NRG1: variants seen among roughly 807,000 people sequenced by gnomAD.
NRG1 encodes the protein pro-neuregulin-1, membrane-bound isoform.
NRG1 carries 18 observed loss-of-function variants against 63.8 expected under a neutral mutation model. The observed-to-expected ratio is 0.28, with a 90% CI of 0.19 to 0.42. NRG1 has a LOEUF of 0.42. Ranked by LOEUF, NRG1 falls within the 10% of genes least tolerant of loss-of-function variation. The pLI is 1.00. For synonymous variants in NRG1, 302 were observed against 301.3 expected (o/e 1.00, Z -0.02); for missense variants, 762 against 814.7 (o/e 0.94, Z 0.79).
At chr8:32,187,695 G>C (rs1223706150) in intron 1 of NRG1, among the ~76,000 whole-genome samples, 1 of 152,064 alleles carries the variant, frequency 6.6e-6, no homozygotes, top group Non-Finnish European at 1.5e-5. Context: ...TTTTCTGGGG[G>C]AGCAGAGGCA....
intron 1 of NRG1, among the ~76,000 whole-genome samples, chr8:31,919,559 G>A (rs991159192): frequency 4.6e-5 from 7 of 151,896 alleles, no homozygotes; most frequent in African/African-American, 1.7e-4. Flanking sequence ...ATTTTAAGGA[G>A]GCAGCTGTTA....
At chr8:32,118,780 A>G (rs996036865) in intron 1 of NRG1, among the ~76,000 whole-genome samples, 1 of 152,090 alleles carries the variant, frequency 6.6e-6, no homozygotes, top group African/African-American at 2.4e-5. Context: ...TGGGTCATCC[A>G]AGGCATCAGA....
At chr8:31,968,548 G>A (rs1203079464) in intron 1 of NRG1, among the ~76,000 whole-genome samples, 1 of 152,048 alleles carries the variant, frequency 6.6e-6, no homozygotes, top group African/African-American at 2.4e-5. Context: ...TTGTTCCATG[G>A]ATACCTCCAG....
intron 1 of NRG1, among the ~76,000 whole-genome samples, chr8:31,877,317 A>G (rs1830006328): frequency 6.6e-6 from 1 of 152,128 alleles, no homozygotes; most frequent in African/African-American, 2.4e-5. Context: ...TTTATGCCGT[A>G]TTTATGAGCT....
At position 32,137,345 on chromosome 8, in the gene NRG1, G is replaced by A. The variant is rs560347192; in HGVS notation, c.38-458483G>A. On this transcript the variant is annotated intron_variant, in intron 1 of 10. Transcript: ENST00000519301. ...TAGTCCTAGCTACTTGGGAGGTTGA[G>A]GCAGGAGAATTGCTTGAACCCGAGA... Among the ~76,000 whole-genome samples, 50 of 152,244 alleles carry A rather than the reference G, an allele frequency of 3.3e-4. 1 individual carries two copies. The highest frequency in any genetic ancestry group is 9.2e-4 in the Admixed American group (14 of 15,298).
At chr8:32,617,100 A>G (rs1847507527) in intron 5 of NRG1, among the ~76,000 whole-genome samples, 1 of 152,166 alleles carries the variant, frequency 6.6e-6, no homozygotes, top group African/African-American at 2.4e-5. Context: ...GAATATTAAA[A>G]TACACCACAA....
chr8:31,901,270 G>T (rs1338715586), intron 1 of NRG1, among the ~76,000 whole-genome samples: 1 of 152,166 alleles, frequency 6.6e-6, no homozygotes, highest in African/African-American at 2.4e-5. Context: ...GGAGCTTCAG[G>T]CAGGTTCTTT....
At position 31,954,051 on chromosome 8, in the gene NRG1, C is replaced by T. The variant is rs113165691; in HGVS notation, c.37+314620C>T. Among the ~76,000 whole-genome samples, 874 of 151,954 alleles carry T rather than the reference C, an allele frequency of 5.8e-3. 4 individuals are homozygous for T. The highest frequency in any genetic ancestry group is 9.6e-3 in the Non-Finnish European group (654 of 67,982). ...ATAAATGGTCACTAATATCTTTAAC[C>T]CAGAGAGGAAGATCAAATTAGGAAA... is the stretch of plus-strand genomic sequence containing the variant. On this transcript the variant is annotated intron_variant, in intron 1 of 10. Transcript: ENST00000519301.
intron 1 of NRG1, among the ~76,000 whole-genome samples, chr8:31,843,337 C>T (rs941070077): frequency 6.6e-6 from 1 of 152,156 alleles, no homozygotes; most frequent in Non-Finnish European, 1.5e-5. Context: ...GTGGTTTGCT[C>T]TTTCTCTTCC....
intron 1 of NRG1, among the ~76,000 whole-genome samples, chr8:31,843,972 G>A (rs1826437154): frequency 6.6e-6 from 1 of 152,154 alleles, no homozygotes; most frequent in African/African-American, 2.4e-5. Context: ...AACAGCTAAT[G>A]TTCATTGAGT....
rs548007291 is a variant in NRG1 at position 32,559,118 on chromosome 8, T to A, written c.100+10292T>A. On this transcript the variant is annotated intron_variant, in intron 1 of 11. Coordinates refer to ENST00000356819, the Ensembl canonical transcript of NRG1. ...AAAAAAAAAAAAGTTAACAACCATA[T>A]CAAAAGAACAATTTATTCACCCCCC... Among the ~76,000 whole-genome samples, 11 of 143,532 alleles carry A rather than the reference T, an allele frequency of 7.7e-5. No homozygotes were observed. The East Asian group carries it at 2.1e-3, about 27-fold the overall frequency. The allele number at this position is 143,532 out of a possible 152,430, so 94.2% of individuals were successfully genotyped here.
intron 1 of NRG1, among the ~76,000 whole-genome samples, chr8:31,873,611 A>G (rs552916442): frequency 5.3e-5 from 8 of 152,180 alleles, no homozygotes; most frequent in Non-Finnish European, 8.8e-5. Flanking sequence ...TTGGATTTTC[A>G]TAGGAAGAGA....
chr8:32,015,024 AC>A (rs1330031829), intron 1 of NRG1, among the ~76,000 whole-genome samples: 1 of 151,982 alleles, frequency 6.6e-6, no homozygotes, highest in Non-Finnish European at 1.5e-5. Context: ...AAAGGAACGA[AC>A]CCTGCCAACA....
chr8:31,976,101 C>T (rs925114257), intron 1 of NRG1, among the ~76,000 whole-genome samples: 3 of 152,092 alleles, frequency 2.0e-5, no homozygotes, highest in Non-Finnish European at 2.9e-5. Flanking sequence ...GTATACAACA[C>T]AACATAATTT....
At chr8:32,260,447 A>T (rs1850240170) in intron 1 of NRG1, among the ~76,000 whole-genome samples, 1 of 152,234 alleles carries the variant, frequency 6.6e-6, no homozygotes, top group African/African-American at 2.4e-5. Context: ...CAGTCCATAG[A>T]ACAAAATACC....
chr8:32,594,435 G>GT (rs1214365385), intron 1 of NRG1, among the ~76,000 whole-genome samples: 1 of 152,118 alleles, frequency 6.6e-6, no homozygotes, highest in Admixed American at 6.5e-5. Flanking sequence ...GAAATTATGT[G>GT]TGAGAGGAAA....
At chr8:32,485,502 C>G (rs1299888915) in intron 1 of NRG1, among the ~76,000 whole-genome samples, 1 of 152,200 alleles carries the variant, frequency 6.6e-6, no homozygotes, top group Non-Finnish European at 1.5e-5. Context: ...TGTCCTCTTT[C>G]TCCACCCCAC....
intron 1 of NRG1, among the ~76,000 whole-genome samples, chr8:32,150,963 T>G (rs1236051888): frequency 6.6e-6 from 1 of 152,270 alleles, no homozygotes; most frequent in East Asian, 1.9e-4. Context: ...GAAGGTAAGA[T>G]ATGTTGTGTT....
intron 1 of NRG1, among the ~76,000 whole-genome samples, chr8:32,463,108 T>C (rs1052382309): frequency 3.9e-5 from 6 of 152,176 alleles, no homozygotes; most frequent in Admixed American, 1.3e-4. Flanking sequence ...GCAGGTTCAT[T>C]CATGTTGTTG....
Sources: allele counts gnomAD v4.1 joint callset (sites outside exome capture counted in the v4.1 genomes callset), GRCh38; gene constraint gnomAD v4.1.1; transcripts MANE v1.5; gene names NCBI Gene and HGNC (gene_info 2026-07-23, HGNC 2026-07-21).